The following LAMA1 variants were observed in gnomAD, a reference collection of about 807,000 sequenced individuals.
The protein encoded by LAMA1 is laminin subunit alpha-1.
LAMA1 carries 219 observed loss-of-function variants against 348.7 expected under a neutral mutation model. The observed-to-expected ratio is 0.63, with a 90% CI of 0.56 to 0.70. The LOEUF (loss-of-function observed/expected upper bound fraction) is 0.70, where lower values mean the gene tolerates loss of function less well. LAMA1 is among the 30% of genes least tolerant of loss of function. The probability of loss-of-function intolerance (pLI) is 0.00; values close to 1 mark genes in which losing one functional copy is unlikely to be tolerated. For synonymous variants in LAMA1, 1,487 were observed against 1,491.0 expected (o/e 1.00, Z 0.06); for missense variants, 3,744 against 3,888.0 (o/e 0.96, Z 0.99).
At chr18:7,099,963 G>T (rs2058284705) in intron 1 of LAMA1, among the ~76,000 whole-genome samples, 1 of 149,652 alleles carries the variant, frequency 6.7e-6, no homozygotes, top group South Asian at 2.1e-4. Flanking sequence ...GGAGGCTGAG[G>T]CAGGAGAATG....
intron 1 of LAMA1, among the ~76,000 whole-genome samples, chr18:7,101,244 T>C (rs767477560): frequency 1.3e-5 from 2 of 152,198 alleles, no homozygotes; most frequent in Non-Finnish European, 2.9e-5. Flanking sequence ...GTTTAGGGTA[T>C]GTAAATTATA....
Position 7,050,742 on chromosome 18 carries a change from C to A in LAMA1, c.540G>T (p.Val180=), listed in dbSNP as rs749034608. ...ATCTGGAATAATAGGAGGTGCAGAT[C>A]ACTTCATCATCAGCCCTGTAGGTGG... ...GPPTYRADDE[V]ICTSYYSRLV... Residue 180 remains valine, a synonymous_variant, in exon 4 of 63, where the codon GTG becomes GTT. Coordinates refer to ENST00000389658, the MANE Select transcript of LAMA1 (RefSeq NM_005559.4). 31 of 1,613,986 alleles carry A rather than the reference C, an allele frequency of 1.9e-5. No individual in the cohort carries two copies. The highest frequency in any genetic ancestry group is 2.3e-5 in the Non-Finnish European group (27 of 1,180,024).
At chr18:7,014,522 T>G (rs1400631765) in intron 22 of LAMA1, among the ~76,000 whole-genome samples, 2 of 151,726 alleles carry the variant, frequency 1.3e-5, no homozygotes, top group African/African-American at 4.8e-5. Context: ...CTTGGGGGCC[T>G]GAAGCGGGAG....
chr18:6,943,646 C>T (rs1009465027), intron 61 of LAMA1, among the ~76,000 whole-genome samples: 7 of 151,890 alleles, frequency 4.6e-5, no homozygotes, highest in Non-Finnish European at 8.8e-5. Flanking sequence ...GTCAGGAATT[C>T]GAGACCAGCC....
In LAMA1 at chr18:7,012,002, C is replaced by T. The variant is rs753394467; in HGVS notation, c.3500G>A (p.Arg1167Lys). The change falls in exon 24 of 63, where the codon AGG becomes AAG. Residue 1167 changes from arginine to lysine, a missense_variant. Physicochemically the swap from Arg to Lys is conservative, Grantham distance 26. Coordinates refer to ENST00000389658, the MANE Select transcript of LAMA1 (RefSeq NM_005559.4). Reference sequence around the variant, plus strand: ...TCGCTGTGTGTGACTTACTGGGGTCCTCACGTAGTCCTCCAGCTCTGAGCA... The same window carrying T: ...TCGCTGTGTGTGACTTACTGGGGTCTTCACGTAGTCCTCCAGCTCTGAGCA... ...HLCSELEDYV[R>K]TPVTLGSDQP... 1.2e-6 allele frequency: 2 copies of T among 1,605,298 alleles called. No individual in the cohort carries two copies. The highest frequency in any genetic ancestry group is 1.7e-6 in the Non-Finnish European group (2 of 1,175,400).
At chr18:6,955,784 C>A (rs2057573880) in intron 56 of LAMA1, 1 of 422,456 alleles carries the variant, frequency 2.4e-6, no homozygotes, top group African/African-American at 2.0e-5. Context: ...CCCCCTAGGC[C>A]CCCGCCGTGA....
chr18:7,037,859 T>C, intron 11 of LAMA1, 108 bp from the exon 12 acceptor site: 5 of 1,126,902 alleles, frequency 4.4e-6, no homozygotes, highest in South Asian at 4.0e-5. Flanking sequence ...AGAAAGCTTC[T>C]CTAGGGATGG....
At chr18:6,945,172 G>A (rs1329141104) in intron 61 of LAMA1, among the ~76,000 whole-genome samples, 1 of 152,134 alleles carries the variant, frequency 6.6e-6, no homozygotes, top group East Asian at 1.9e-4. Flanking sequence ...TGGGATTACA[G>A]GTGTTAGCCA....
chr18:7,002,731 GCA>G (rs968177241), intron 29 of LAMA1, among the ~76,000 whole-genome samples: 9 of 152,094 alleles, frequency 5.9e-5, no homozygotes, highest in African/African-American at 2.2e-4. Flanking sequence ...CACCAGTTTT[GCA>G]CACAGTCAGG....
At chr18:7,099,975 C>T (rs59623676) in intron 1 of LAMA1, among the ~76,000 whole-genome samples, 2,558 of 142,476 alleles carry the variant, frequency 0.018, 64 homozygotes, top group African/African-American at 0.063. Flanking sequence ...AGGAGAATGG[C>T]GTGAACCAGG....
At chr18:7,102,333 G>A (rs1490434899) in intron 1 of LAMA1, among the ~76,000 whole-genome samples, 1 of 151,920 alleles carries the variant, frequency 6.6e-6, no homozygotes, top group Non-Finnish European at 1.5e-5. Flanking sequence ...AGAGGAGGAG[G>A]AAGTCTTAGC....
chr18:7,112,792 C>T (rs1453912663), intron 1 of LAMA1, among the ~76,000 whole-genome samples: 18 of 151,790 alleles, frequency 1.2e-4, no homozygotes, highest in Non-Finnish European at 2.2e-4. Flanking sequence ...CCCACCACCA[C>T]GCCTGGCTAA....
chr18:7,072,532 T>C (rs2058150144), intron 3 of LAMA1, among the ~76,000 whole-genome samples: 2 of 152,210 alleles, frequency 1.3e-5, no homozygotes, highest in Non-Finnish European at 2.9e-5. Context: ...GTCTCTCGGC[T>C]GAGAACCAAG....
At chr18:6,983,814 T>C (rs898850019) in intron 39 of LAMA1, among the ~76,000 whole-genome samples, 5 of 152,216 alleles carry the variant, frequency 3.3e-5, no homozygotes, top group Non-Finnish European at 5.9e-5. Flanking sequence ...CACAATGTCA[T>C]CCAGTGCTCT....
At chr18:6,948,346 C>G in intron 60 of LAMA1, 57 bp downstream of exon 60, 2 of 1,608,544 alleles carry the variant, frequency 1.2e-6, no homozygotes, top group South Asian at 2.2e-5. Flanking sequence ...GGATCCACAT[C>G]GCTTTAGAGT....
intron 44 of LAMA1, among the ~76,000 whole-genome samples, chr18:6,977,277 A>G (rs1251696777): frequency 6.6e-6 from 1 of 152,208 alleles, no homozygotes; most frequent in African/African-American, 2.4e-5. Context: ...CTGTTTTCTC[A>G]GACACCTCAA....
At chr18:7,068,602 A>C (rs564324086) in intron 3 of LAMA1, among the ~76,000 whole-genome samples, 1 of 152,316 alleles carries the variant, frequency 6.6e-6, no homozygotes, top group East Asian at 1.9e-4. Context: ...TTCTGCTATT[A>C]TCTGTTACTA....
At chr18:7,035,150 G>A (rs1283156967) in intron 13 of LAMA1, among the ~76,000 whole-genome samples, 2 of 152,196 alleles carry the variant, frequency 1.3e-5, no homozygotes, top group Non-Finnish European at 2.9e-5. Context: ...GGACATGAGA[G>A]ACAAGAACCT....
chr18:7,101,294 T>C (rs2058290329), intron 1 of LAMA1, among the ~76,000 whole-genome samples: 1 of 152,148 alleles, frequency 6.6e-6, no homozygotes, highest in African/African-American at 2.4e-5. Flanking sequence ...TCCTCACTCT[T>C]GTAAGTAAGT....
Sources: allele counts gnomAD v4.1 joint callset (sites outside exome capture counted in the v4.1 genomes callset), GRCh38; gene constraint gnomAD v4.1.1; transcripts MANE v1.5; gene names NCBI Gene and HGNC (gene_info 2026-07-23, HGNC 2026-07-21).